NRXN3: variants seen among roughly 807,000 people sequenced by gnomAD.
The protein encoded by NRXN3 is neurexin 3.
A neutral mutation model predicts 137.6 loss-of-function variants in NRXN3; 32 were observed. That is an observed-to-expected ratio of 0.23 (90% CI 0.18 to 0.31). NRXN3 has a LOEUF of 0.31. Ranked by LOEUF, NRXN3 falls within the 10% of genes least tolerant of loss-of-function variation. The probability of loss-of-function intolerance (pLI) is 1.00; values close to 1 mark genes in which losing one functional copy is unlikely to be tolerated. For missense variants in NRXN3, 1,574 were observed against 2,062.5 expected, an observed-to-expected ratio of 0.76 and a Z score of 4.59; for synonymous variants, 798 against 784.5, an observed-to-expected ratio of 1.02 and a Z score of -0.29.
chr14:78,484,687 G>T (rs1383516755), intron 4 of NRXN3, among the ~76,000 whole-genome samples: 1 of 152,108 alleles, frequency 6.6e-6, no homozygotes, highest in African/African-American at 2.4e-5. Flanking sequence ...GAGGTAAAAG[G>T]TTTAGCCACA....
intron 14 of NRXN3, among the ~76,000 whole-genome samples, chr14:78,977,546 A>T (rs554741991): frequency 6.6e-6 from 1 of 152,186 alleles, no homozygotes; most frequent in Non-Finnish European, 1.5e-5. Context: ...CTTTGAAAAG[A>T]GTTATTTGAC....
intron 4 of NRXN3, among the ~76,000 whole-genome samples, chr14:78,352,353 C>A (rs2083649649): frequency 6.6e-6 from 1 of 152,168 alleles, no homozygotes; most frequent in African/African-American, 2.4e-5. Flanking sequence ...ATGTCCTTAT[C>A]TCTGGAAGGT....
intron 2 of NRXN3, among the ~76,000 whole-genome samples, chr14:78,274,182 C>G: frequency 6.6e-6 from 1 of 152,296 alleles, no homozygotes; most frequent in African/African-American, 2.4e-5. Flanking sequence ...TTCTTTTCCT[C>G]CCAATGGTTA....
chr14:79,004,267 C>A (rs1471764750), intron 15 of NRXN3, among the ~76,000 whole-genome samples: 1 of 151,014 alleles, frequency 6.6e-6, no homozygotes. Flanking sequence ...TTCTTTCTTT[C>A]TTTTTTTTTA....
At chr14:78,196,313 G>A (rs985027719) in intron 1 of NRXN3, among the ~76,000 whole-genome samples, 22 of 152,200 alleles carry the variant, frequency 1.4e-4, no homozygotes, top group Admixed American at 2.6e-4. Flanking sequence ...TCCTTAAAAG[G>A]TAAATTATCA....
rs1231897965 is a variant in NRXN3 at position 78,803,566 on chromosome 14, T to C, written c.2045-54T>C. 1.9e-6 allele frequency: 3 copies of C among 1,553,088 alleles called. No homozygotes were observed. In the Admixed American group the frequency reaches 5.0e-5, roughly 26 times the overall value. The stretch of plus-strand genomic sequence containing the variant: ...GCTTAGCCTGAAAGCAAAGGGGTAT[T>C]TGGCAACTGTGACATCCGTCATCCT... On this transcript the variant is annotated intron_variant, in intron 8 of 20. Transcript: ENST00000335750.
At position 78,948,346 on chromosome 14, in the gene NRXN3, C is replaced by T. The variant is rs143925463; in HGVS notation, c.2276-8896C>T. Among the ~76,000 whole-genome samples the T allele has an allele frequency of 8.0e-4, 122 of 152,294 alleles. 1 individual carries two copies. The highest frequency in any genetic ancestry group is 2.8e-3 in the African/African-American group (116 of 41,558). On this transcript the variant is annotated intron_variant, in intron 10 of 20. Transcript: ENST00000335750. The stretch of plus-strand genomic sequence containing the variant: ...TCCCCTCCCCATTCTTTGATATTTA[C>T]CCCTAGGGTATTCTTGCCCTCACTC...
intron 4 of NRXN3, among the ~76,000 whole-genome samples, chr14:78,591,427 G>A (rs1432592628): frequency 1.3e-5 from 2 of 152,184 alleles, no homozygotes; most frequent in Admixed American, 6.5e-5. Context: ...GTAGCGTGGT[G>A]TAGTGGACAC....
intron 19 of NRXN3, among the ~76,000 whole-genome samples, chr14:79,772,180 T>A (rs1347906659): frequency 6.6e-6 from 1 of 151,948 alleles, no homozygotes; most frequent in Non-Finnish European, 1.5e-5. Context: ...AGAATCAATA[T>A]CATGAAAATG....
rs145519886 is a variant in NRXN3 at position 79,238,708 on chromosome 14, G to A, written c.3263-228513G>A. Reference sequence around the variant, plus strand: ...TGCATTTTTAAAAAGGCATTCCAGCGGCTTCTAAGGCAGGTGGTTTCTAGA... The same window carrying A: ...TGCATTTTTAAAAAGGCATTCCAGCAGCTTCTAAGGCAGGTGGTTTCTAGA... On this transcript the variant is annotated intron_variant, in intron 15 of 20. Coordinates refer to ENST00000335750, the MANE Select transcript of NRXN3 (RefSeq NM_001330195.2). 1.4e-4 allele frequency among the ~76,000 whole-genome samples: 22 copies of A among 152,100 alleles called. No homozygotes were observed. In the East Asian group the frequency reaches 3.7e-3, roughly 25 times the overall value.
At chr14:78,384,993 C>T (rs1450213433) in intron 4 of NRXN3, among the ~76,000 whole-genome samples, 1 of 152,172 alleles carries the variant, frequency 6.6e-6, no homozygotes. Flanking sequence ...AAATCAAACA[C>T]TGCAGAAGCC....
chr14:79,461,000 A>G (rs551626969), intron 15 of NRXN3, among the ~76,000 whole-genome samples: 1 of 152,326 alleles, frequency 6.6e-6, no homozygotes, highest in Admixed American at 6.5e-5. Flanking sequence ...CATTCACTAA[A>G]TTCCATCTAT....
At chr14:79,308,344 T>C (rs1005428234) in intron 15 of NRXN3, among the ~76,000 whole-genome samples, 8 of 152,154 alleles carry the variant, frequency 5.3e-5, no homozygotes, top group Admixed American at 2.0e-4. Flanking sequence ...AAAGCTATTG[T>C]GCAGCCAACT....
intron 4 of NRXN3, among the ~76,000 whole-genome samples, chr14:78,426,881 G>C (rs1224787922): frequency 6.6e-6 from 1 of 152,146 alleles, no homozygotes; most frequent in Non-Finnish European, 1.5e-5. Context: ...ACTGAGCCTA[G>C]AGGAGGTTAG....
chr14:78,278,703 CT>C (rs1285932018), intron 3 of NRXN3, 41 bp downstream of exon 3: 2 of 1,517,042 alleles, frequency 1.3e-6, no homozygotes, highest in East Asian at 4.9e-5. Flanking sequence ...GGAATTTCCC[CT>C]CTGCTAGATT....
chr14:79,577,223 A>G (rs1296929747), intron 16 of NRXN3, among the ~76,000 whole-genome samples: 3 of 152,112 alleles, frequency 2.0e-5, no homozygotes, highest in South Asian at 2.1e-4. Flanking sequence ...GTTTTTCTTT[A>G]TCAATTACCC....
At chr14:78,908,850 G>T (rs2099227540) in intron 10 of NRXN3, among the ~76,000 whole-genome samples, 1 of 152,060 alleles carries the variant, frequency 6.6e-6, no homozygotes, top group South Asian at 2.1e-4. Flanking sequence ...ATGCCCCAAA[G>T]AAATTAGCAG....
intron 15 of NRXN3, among the ~76,000 whole-genome samples, chr14:79,196,880 CTT>C (rs2065213768): frequency 6.6e-6 from 1 of 152,098 alleles, no homozygotes; most frequent in Non-Finnish European, 1.5e-5. Context: ...ACAATAAACA[CTT>C]ATTTCTTATG....
intron 1 of NRXN3, among the ~76,000 whole-genome samples, chr14:78,186,326 C>T (rs937391193): frequency 6.6e-6 from 1 of 152,256 alleles, no homozygotes; most frequent in Non-Finnish European, 1.5e-5. Context: ...CTGCAAAATA[C>T]CTCTAAAAGG....
Sources: allele counts gnomAD v4.1 joint callset (sites outside exome capture counted in the v4.1 genomes callset), GRCh38; gene constraint gnomAD v4.1.1; transcripts MANE v1.5; gene names NCBI Gene and HGNC (gene_info 2026-07-23, HGNC 2026-07-21).